EPHA5: variants seen among roughly 807,000 people sequenced by gnomAD.
EPHA5 encodes EPH receptor A5.
Under a neutral mutation model 105.0 loss-of-function variants are expected in EPHA5, and 60 were observed. That is an observed-to-expected ratio of 0.57 (90% CI 0.46 to 0.71). EPHA5 has a LOEUF of 0.71. Among genes scored for constraint, EPHA5 ranks in the 30% least tolerant of loss-of-function variants. The probability of loss-of-function intolerance (pLI) is 0.00; values close to 1 mark genes in which losing one functional copy is unlikely to be tolerated. For missense variants in EPHA5, 1,218 were observed against 1,274.7 expected, an observed-to-expected ratio of 0.96 and a Z score of 0.68; for synonymous variants, 513 against 449.1, an observed-to-expected ratio of 1.14 and a Z score of -1.80.
At chr4:65,402,024 A>C (rs1328724481) in intron 8 of EPHA5, among the ~76,000 whole-genome samples, 1 of 152,064 alleles carries the variant, frequency 6.6e-6, no homozygotes, top group Non-Finnish European at 1.5e-5. Flanking sequence ...GTCAAGGGAG[A>C]GACCAGGTGG....
At position 65,643,598 on chromosome 4, in the gene EPHA5, C is replaced by G. The variant is rs1578670546; in HGVS notation, c.182-171G>C. Reference sequence around the variant, plus strand: ...AAGAAAATATATTGATGCAGGAGAACAAATGATTTTAAATAAACATTTGAA... The same window carrying G: ...AAGAAAATATATTGATGCAGGAGAAGAAATGATTTTAAATAAACATTTGAA... On this transcript the variant is annotated intron_variant, in intron 1 of 16. Coordinates refer to ENST00000613740, the MANE Select transcript of EPHA5 (RefSeq NM_001281766.3). Among the ~76,000 whole-genome samples, 3 of 150,888 alleles carry G rather than the reference C, an allele frequency of 2.0e-5. No individual in the cohort carries two copies. The South Asian group carries it at 6.3e-4, about 32-fold the overall frequency.
At chr4:65,467,447 A>G (rs1728828692) in intron 5 of EPHA5, among the ~76,000 whole-genome samples, 1 of 152,198 alleles carries the variant, frequency 6.6e-6, no homozygotes, top group South Asian at 2.1e-4. Flanking sequence ...TCTTTTGACT[A>G]ATTACAGCCA....
At chr4:65,409,555 C>G (rs74683674) in intron 7 of EPHA5, among the ~76,000 whole-genome samples, 2 of 152,020 alleles carry the variant, frequency 1.3e-5, no homozygotes, top group Non-Finnish European at 2.9e-5. Context: ...TGTGGATATT[C>G]TCTAGACTTT....
intron 2 of EPHA5, among the ~76,000 whole-genome samples, chr4:65,624,420 C>T (rs566333841): frequency 5.9e-5 from 9 of 152,120 alleles, no homozygotes; most frequent in African/African-American, 9.7e-5. Context: ...GATGGATGTG[C>T]GACATGCTGC....
At chr4:65,590,168 G>A (rs1742501953) in intron 3 of EPHA5, among the ~76,000 whole-genome samples, 1 of 152,078 alleles carries the variant, frequency 6.6e-6, no homozygotes, top group African/African-American at 2.4e-5. Context: ...CCAAACTGTG[G>A]TTCTTCTTTC....
In EPHA5 at chr4:65,321,242, A is replaced by G. The variant is rs985806665; in HGVS notation, c.*2872T>C. ...GTATTATTTGCCAAATCTGTTGTATATACTAAAATTGTCATGTCTGTGCTT... is the reference window on the plus strand; with the variant it reads ...GTATTATTTGCCAAATCTGTTGTATGTACTAAAATTGTCATGTCTGTGCTT... On this transcript the variant is annotated 3_prime_UTR_variant, in exon 17 of 17. Transcript: ENST00000613740. 4.3e-6 allele frequency: 1 copy of G among 230,460 alleles called. No homozygotes were observed. Among genetic ancestry groups the G allele is most frequent in the East Asian group, 6.1e-5 (1 of 16,346 alleles). The allele number at this position is 230,460 out of a possible 1,614,324, so 14.3% of individuals were successfully genotyped here. A position where few individuals can be genotyped will look rare whatever the true frequency, so the allele number is the denominator to read the frequency against.
At chr4:65,525,404 A>G (rs1367840671) in intron 3 of EPHA5, among the ~76,000 whole-genome samples, 2 of 151,860 alleles carry the variant, frequency 1.3e-5, no homozygotes, top group Non-Finnish European at 2.9e-5. Flanking sequence ...AATCTAATAT[A>G]TAGCCTTTTA....
At chr4:65,439,326 T>A (rs927058924) in intron 5 of EPHA5, among the ~76,000 whole-genome samples, 1 of 152,104 alleles carries the variant, frequency 6.6e-6, no homozygotes, top group Non-Finnish European at 1.5e-5. Context: ...ACTGTACAAG[T>A]TAGGTTAATG....
intron 16 of EPHA5, chr4:65,331,283 T>A (rs1259815170): frequency 9.7e-7 from 1 of 1,030,062 alleles, no homozygotes; most frequent in Non-Finnish European, 1.2e-6. Flanking sequence ...ATGTACAGAG[T>A]ATATAATAAA....
intron 3 of EPHA5, among the ~76,000 whole-genome samples, chr4:65,574,815 T>C (rs1244795236): frequency 6.7e-6 from 1 of 149,198 alleles, no homozygotes; most frequent in African/African-American, 2.5e-5. Context: ...AGTGATACTG[T>C]TTTTGTAAAA....
chr4:65,323,889 C>A lies in EPHA5; in HGVS notation c.*225G>T, dbSNP rs188856439. 42 of 377,208 alleles carry A rather than the reference C, an allele frequency of 1.1e-4. No homozygotes were observed. The East Asian group carries it at 1.6e-3, about 15-fold the overall frequency. The allele number at this position is 377,208 out of a possible 1,614,324, so 23.4% of individuals were successfully genotyped here. ...CTTAAGATGATGTCTAACTTCATGT[C>A]CCTTTTAATGCAAGATATGTTTGCT... On this transcript the variant is annotated 3_prime_UTR_variant, in exon 17 of 17. Coordinates refer to ENST00000613740, the MANE Select transcript of EPHA5 (RefSeq NM_001281766.3).
intron 12 of EPHA5, among the ~76,000 whole-genome samples, chr4:65,352,705 C>T (rs539164689): frequency 5.9e-5 from 9 of 151,828 alleles, no homozygotes; most frequent in African/African-American, 2.2e-4. Flanking sequence ...ACTTGTAAGA[C>T]CTTATTTTTT....
intron 2 of EPHA5, among the ~76,000 whole-genome samples, chr4:65,612,045 G>C (rs377003881): frequency 2.4e-4 from 25 of 104,262 alleles, no homozygotes; most frequent in Non-Finnish European, 4.5e-4. Context: ...AAAAAGGAAA[G>C]AAAAGAAAAG....
At chr4:65,414,466 A>T (rs767245174) in intron 6 of EPHA5, 23 bp from the exon 7 acceptor site, 1 of 1,608,738 alleles carries the variant, frequency 6.2e-7, no homozygotes, top group Non-Finnish European at 8.5e-7. Context: ...ATGCATATAC[A>T]ATAAAAAAGA....
At chr4:65,625,627 G>GA (rs2149482833) in intron 2 of EPHA5, among the ~76,000 whole-genome samples, 1 of 152,048 alleles carries the variant, frequency 6.6e-6, no homozygotes, top group East Asian at 1.9e-4. Flanking sequence ...AAAGAACATG[G>GA]AAAAAATGAA....
At chr4:65,597,751 G>A (rs114419911) in intron 3 of EPHA5, among the ~76,000 whole-genome samples, 2,999 of 152,290 alleles carry the variant, frequency 0.02, 34 homozygotes, top group African/African-American at 0.03. Context: ...TACTATGGGT[G>A]AGGTAGTCTA....
At chr4:65,600,542 T>C (rs903048080) in intron 3 of EPHA5, among the ~76,000 whole-genome samples, 5 of 152,164 alleles carry the variant, frequency 3.3e-5, no homozygotes, top group African/African-American at 1.2e-4. Flanking sequence ...TTTGTTTCCC[T>C]GGATCGATAA....
chr4:65,356,746 G>A (rs747948406), intron 11 of EPHA5, among the ~76,000 whole-genome samples: 1 of 151,576 alleles, frequency 6.6e-6, no homozygotes. Flanking sequence ...GGACCCATTC[G>A]ATTATTCTTC....
At chr4:65,398,644 A>T (rs1280622229) in intron 8 of EPHA5, among the ~76,000 whole-genome samples, 11 of 152,228 alleles carry the variant, frequency 7.2e-5, no homozygotes, top group Admixed American at 2.0e-4. Flanking sequence ...GAAGCCCATA[A>T]AAACCCTGGA....
Sources: gnomAD v4.1 joint callset for allele counts (sites outside exome capture counted in the v4.1 genomes callset) on GRCh38, gnomAD v4.1.1 for gene constraint, MANE v1.5 for transcripts, NCBI Gene and HGNC (gene_info 2026-07-23, HGNC 2026-07-21) for gene names.